PRELP: variants seen among roughly 807,000 people sequenced by gnomAD.
PRELP encodes the protein prolargin.
A neutral mutation model predicts 22.8 loss-of-function variants in PRELP; 16 were observed. The observed-to-expected ratio is 0.70, with a 90% CI of 0.47 to 1.06. The LOEUF is 1.06. PRELP is among the 50% of genes least tolerant of loss of function. The probability of loss-of-function intolerance (pLI) is 0.00; values close to 1 mark genes in which losing one functional copy is unlikely to be tolerated. For missense variants in PRELP, 434 were observed against 485.2 expected, an observed-to-expected ratio of 0.89 and a Z score of 0.99; for synonymous variants, 233 against 211.4, an observed-to-expected ratio of 1.10 and a Z score of -0.89.
At chr1:203,482,135 G>A (rs972478902) in intron 1 of PRELP, among the ~76,000 whole-genome samples, 2 of 152,052 alleles carry the variant, frequency 1.3e-5, no homozygotes, top group South Asian at 2.1e-4. Flanking sequence ...AGGACGCTAA[G>A]GTTCATACAT....
At chr1:203,484,609 T>C (rs1661063263) in intron 2 of PRELP, among the ~76,000 whole-genome samples, 1 of 152,236 alleles carries the variant, frequency 6.6e-6, no homozygotes, top group African/African-American at 2.4e-5. Context: ...GTCTGCCCTC[T>C]GCAGAAACCT....
intron 1 of PRELP, among the ~76,000 whole-genome samples, chr1:203,481,641 C>T (rs1167346995): frequency 6.6e-6 from 1 of 152,180 alleles, no homozygotes; most frequent in Non-Finnish European, 1.5e-5. Flanking sequence ...ACAGTCTCTG[C>T]CTTCCTTCCC....
rs1340960865 is a variant in PRELP at position 203,486,953 on chromosome 1, C to T, written c.*72C>T. On this transcript the variant is annotated 3_prime_UTR_variant, in exon 3 of 3. Coordinates refer to ENST00000343110, the MANE Select transcript of PRELP (RefSeq NM_002725.4). ...GGCCCAGGCACCTGTGCCGGCCATT[C>T]GTTTTCTCTCTCTCCCTTTCTTTCT... 1 of 1,422,370 alleles carries T rather than the reference C, an allele frequency of 7.0e-7. No individual in the cohort carries two copies. Among genetic ancestry groups the T allele is most frequent in the Non-Finnish European group, 9.5e-7 (1 of 1,056,438 alleles). 88.1% of individuals were successfully genotyped at this position (1,422,370 alleles called of 1,614,324 possible).
rs1661157396 is a variant in PRELP at position 203,489,665 on chromosome 1, T to G, written c.*2784T>G. On this transcript the variant is annotated 3_prime_UTR_variant, in exon 3 of 3. Coordinates refer to ENST00000343110, the MANE Select transcript of PRELP (RefSeq NM_002725.4). ...ACAGGTCAAGAATAACACTTCAAAG[T>G]CATCTTGCCAGCCAGGCGTGGTGGA... 6.6e-6 allele frequency: 1 copy of G among 152,260 alleles called. No individual in the cohort carries two copies. The highest frequency in any genetic ancestry group is 1.9e-4 in the East Asian group (1 of 5,202). The allele number at this position is 152,260 out of a possible 1,614,324, so 9.4% of individuals were successfully genotyped here.
intron 2 of PRELP, among the ~76,000 whole-genome samples, chr1:203,485,873 T>A (rs1014760928): frequency 6.6e-6 from 1 of 152,166 alleles, no homozygotes; most frequent in South Asian, 2.1e-4. Flanking sequence ...GGAAATGGAA[T>A]CTCAGGCCAT....
rs1661047889 is a variant in PRELP, at chr1:203,483,691, G to A, written c.507G>A (p.Leu169=). 1 of 1,614,206 alleles carries A rather than the reference G, an allele frequency of 6.2e-7. No individual in the cohort carries two copies. The highest frequency in any genetic ancestry group is 1.3e-5 in the African/African-American group (1 of 75,060). The part of the protein sequence containing the change: ...KNQLEEVPSA[L]PRNLEQLRLS... ...AGTTGGAAGAGGTCCCCTCGGCCCTGCCCCGGAACCTGGAGCAGCTGAGGC... is the reference window on the plus strand; with the variant it reads ...AGTTGGAAGAGGTCCCCTCGGCCCTACCCCGGAACCTGGAGCAGCTGAGGC... Residue 169 remains leucine, a synonymous_variant, in exon 2 of 3, where the codon CTG becomes CTA. Transcript: ENST00000343110. The surrounding 1 kb of genome is among the most constrained non-coding windows in gnomAD (Gnocchi z 4.4).
In PRELP at chr1:203,489,224, G is replaced by A. The variant is rs762604414; in HGVS notation, c.*2343G>A. On this transcript the variant is annotated 3_prime_UTR_variant, in exon 3 of 3. Transcript: ENST00000343110. ...CCTTTGATGAGGCCCTCAGGGGAGA[G>A]GTCATTACCTTGATCCTGCAAACCC... is the stretch of plus-strand genomic sequence containing the variant. 8.5e-5 allele frequency: 13 copies of A among 152,722 alleles called. No homozygotes were observed. The East Asian group carries it at 2.5e-3, about 29-fold the overall frequency. The allele number at this position is 152,722 out of a possible 1,614,324, so 9.5% of individuals were successfully genotyped here.
At chr1:203,477,245 CT>C (rs1228879830) in intron 1 of PRELP, among the ~76,000 whole-genome samples, 2 of 152,128 alleles carry the variant, frequency 1.3e-5, no homozygotes, top group African/African-American at 4.8e-5. Context: ...TCCACCAGGG[CT>C]CGAGAATCAG....
intron 2 of PRELP, 134 bp downstream of exon 2, chr1:203,484,291 C>A (rs1283213273): frequency 1.5e-6 from 2 of 1,337,922 alleles, no homozygotes; most frequent in Non-Finnish European, 2.0e-6. Context: ...AATTCATGGC[C>A]TTGCCACTTG....
At chr1:203,479,044 G>A (rs949946158) in intron 1 of PRELP, among the ~76,000 whole-genome samples, 5 of 152,266 alleles carry the variant, frequency 3.3e-5, no homozygotes, top group Non-Finnish European at 5.9e-5. Flanking sequence ...GACATTCACC[G>A]GCACAGCGCT....
At chr1:203,482,296 G>GAA (rs981305074) in intron 1 of PRELP, among the ~76,000 whole-genome samples, 1 of 126,966 alleles carries the variant, frequency 7.9e-6, no homozygotes, top group African/African-American at 2.9e-5. Flanking sequence ...TTTTTTTTTT[G>GAA]AGAAAGAGTT....
In PRELP at chr1:203,486,908, T is replaced by A. The variant is rs149724291; in HGVS notation, c.*27T>A. On this transcript the variant is annotated 3_prime_UTR_variant, in exon 3 of 3. Transcript: ENST00000343110. ...CCCTACTCCGCCACCGGATCTGCTC[T>A]GACCGCACTTGAAGGCTGGGGCCCA... is the stretch of plus-strand genomic sequence containing the variant. 1.3e-6 allele frequency: 2 copies of A among 1,581,970 alleles called. No individual in the cohort carries two copies. Among genetic ancestry groups the A allele is most frequent in the Non-Finnish European group, 1.7e-6 (2 of 1,159,048 alleles).
At chr1:203,485,734 G>C (rs552849495) in intron 2 of PRELP, among the ~76,000 whole-genome samples, 1 of 149,930 alleles carries the variant, frequency 6.7e-6, no homozygotes, top group South Asian at 2.1e-4. Context: ...TTACAATGAA[G>C]ATGATGCCTA....
At chr1:203,477,593 C>T (rs2102204162) in intron 1 of PRELP, among the ~76,000 whole-genome samples, 1 of 152,280 alleles carries the variant, frequency 6.6e-6, no homozygotes, top group East Asian at 1.9e-4. Flanking sequence ...CCCTGCTCCT[C>T]CTTCCCAGCA....
chr1:203,478,556 C>T (rs886818979), intron 1 of PRELP, among the ~76,000 whole-genome samples: 4 of 152,200 alleles, frequency 2.6e-5, no homozygotes, highest in African/African-American at 9.6e-5. Flanking sequence ...CATTTTAAAG[C>T]TGCTAACTGC....
intron 2 of PRELP, among the ~76,000 whole-genome samples, chr1:203,484,753 G>A (rs770959353): frequency 5.3e-5 from 8 of 152,150 alleles, no homozygotes; most frequent in Non-Finnish European, 8.8e-5. Context: ...GGAAGGGTGC[G>A]ATGTTTAGGT....
intron 1 of PRELP, among the ~76,000 whole-genome samples, chr1:203,480,416 G>A (rs750064332): frequency 1.3e-5 from 2 of 152,228 alleles, no homozygotes; most frequent in Non-Finnish European, 2.9e-5. Context: ...GGAGCATAGA[G>A]TGTGGGTCTG....
At position 203,486,860 on chromosome 1, in the gene PRELP, C is replaced by A; in HGVS notation, c.1128C>A (p.Leu376=). ...IPLDLMMCFR[L]LQSVVI is the part of the protein sequence containing the mutation. ...TGGACCTCATGATGTGCTTCCGCCT[C>A]CTGCAGTCCGTGGTCATCTAGGCCC... Residue 376 remains leucine, a synonymous_variant, in exon 3 of 3, where the codon CTC becomes CTA. Transcript: ENST00000343110. 1 of 1,614,002 alleles carries A rather than the reference C, an allele frequency of 6.2e-7. No homozygotes were observed. Among genetic ancestry groups the A allele is most frequent in the Admixed American group, 1.7e-5 (1 of 60,004 alleles).
At chr1:203,486,081 C>T (rs1234001843) in intron 2 of PRELP, among the ~76,000 whole-genome samples, 1 of 152,230 alleles carries the variant, frequency 6.6e-6, no homozygotes, top group Non-Finnish European at 1.5e-5. Context: ...TACTCCATTG[C>T]TTCTCCACAG....
Sources: allele counts gnomAD v4.1 joint callset (sites outside exome capture counted in the v4.1 genomes callset), GRCh38; gene constraint gnomAD v4.1.1; non-coding constraint Gnocchi (gnomAD v3.1); transcripts MANE v1.5; gene names NCBI Gene and HGNC (gene_info 2026-07-23, HGNC 2026-07-21).